SETBP1: variants seen among roughly 807,000 people sequenced by gnomAD.
The protein encoded by SETBP1 is SET-binding protein.
In SETBP1, 9 loss-of-function variants were observed where a neutral mutation model predicts 101.0. The ratio of observed to expected loss-of-function variants is 0.09; its 90% CI spans 0.05 to 0.16. SETBP1 has a LOEUF of 0.16. Ranked by LOEUF, SETBP1 falls within the 10% of genes least tolerant of loss-of-function variation. The pLI, the probability that SETBP1 is intolerant of heterozygous loss-of-function variation, is 1.00. For synonymous variants in SETBP1, 818 were observed against 788.5 expected (o/e 1.04, Z -0.63); for missense variants, 1,858 against 2,033.8 (o/e 0.91, Z 1.66).
At chr18:44,965,617 G>C (rs748732069) in intron 4 of SETBP1, among the ~76,000 whole-genome samples, 1 of 152,084 alleles carries the variant, frequency 6.6e-6, no homozygotes, top group Non-Finnish European at 1.5e-5. Context: ...CAAAGGATCA[G>C]GCAAAGGAGA....
intron 2 of SETBP1, among the ~76,000 whole-genome samples, chr18:44,770,019 C>A (rs2070839962): frequency 1.3e-5 from 2 of 152,198 alleles, no homozygotes; most frequent in African/African-American, 4.8e-5. Flanking sequence ...CCTAGTGGAT[C>A]CTGAAATTCT....
chr18:44,900,313 C>A (rs1355094055), intron 3 of SETBP1, among the ~76,000 whole-genome samples: 1 of 152,262 alleles, frequency 6.6e-6, no homozygotes, highest in African/African-American at 2.4e-5. Context: ...AGTTTGGGAA[C>A]CACTGCTCTT....
chr18:44,867,801 C>T (rs1013235931), intron 2 of SETBP1, among the ~76,000 whole-genome samples: 1 of 152,188 alleles, frequency 6.6e-6, no homozygotes, highest in Non-Finnish European at 1.5e-5. Context: ...CTAGCTTCAA[C>T]ATCACTTAAG....
At chr18:44,862,039 A>T (rs957701773) in intron 2 of SETBP1, among the ~76,000 whole-genome samples, 3 of 152,214 alleles carry the variant, frequency 2.0e-5, no homozygotes, top group African/African-American at 7.2e-5. Context: ...AAGGTGGAGG[A>T]TTAAAGACAT....
At chr18:44,792,249 A>G (rs1156538547) in intron 2 of SETBP1, among the ~76,000 whole-genome samples, 2 of 152,200 alleles carry the variant, frequency 1.3e-5, no homozygotes, top group African/African-American at 4.8e-5. Flanking sequence ...ATGCTGGAAA[A>G]TACAGAGGCT....
chr18:44,820,633 G>T (rs536912723), intron 2 of SETBP1, among the ~76,000 whole-genome samples: 1 of 152,106 alleles, frequency 6.6e-6, no homozygotes, highest in Admixed American at 6.5e-5. Context: ...CCCTCACTTC[G>T]TCATCCACAC....
intron 3 of SETBP1, among the ~76,000 whole-genome samples, chr18:44,898,433 G>A (rs1238283247): frequency 6.6e-6 from 1 of 152,128 alleles, no homozygotes. Flanking sequence ...TTCTAATTTA[G>A]CGTGGCTAGA....
chr18:44,936,268 G>A (rs1467851829), intron 3 of SETBP1, among the ~76,000 whole-genome samples: 1 of 152,066 alleles, frequency 6.6e-6, no homozygotes, highest in African/African-American at 2.4e-5. Context: ...TGGTGCTGTA[G>A]TGGGATCCCG....
At chr18:44,841,937 A>G (rs1278153900) in intron 2 of SETBP1, among the ~76,000 whole-genome samples, 1 of 152,234 alleles carries the variant, frequency 6.6e-6, no homozygotes, top group East Asian at 1.9e-4. Context: ...ATGTCGAGTC[A>G]TTTGTACTTA....
chr18:44,859,117 G>A (rs1311990393), intron 2 of SETBP1, among the ~76,000 whole-genome samples: 5 of 152,122 alleles, frequency 3.3e-5, no homozygotes, highest in African/African-American at 1.2e-4. Flanking sequence ...CTTGTTTGGG[G>A]AGAGAAGATA....
chr18:44,954,329 T>TAAAAAAAAAAAAAAAAAAA (rs5824565), intron 4 of SETBP1, among the ~76,000 whole-genome samples: 1 of 71,608 alleles, frequency 1.4e-5, no homozygotes, highest in African/African-American at 5.4e-5. Flanking sequence ...TTGCAGAAGC[T>TAAAAAAAAAAAAAAAAAAA]AAAAAAAAAA....
chr18:44,781,644 T>C (rs1437312949), intron 2 of SETBP1, among the ~76,000 whole-genome samples: 3 of 152,154 alleles, frequency 2.0e-5, no homozygotes, highest in Non-Finnish European at 4.4e-5. Context: ...TGAAGAAATG[T>C]GTAATCCCTC....
At chr18:44,754,601 TA>T (rs572985135) in intron 2 of SETBP1, among the ~76,000 whole-genome samples, 1 of 152,208 alleles carries the variant, frequency 6.6e-6, no homozygotes, top group Non-Finnish European at 1.5e-5. Flanking sequence ...CTTGGCCTCT[TA>T]AAATAAGTAC....
At chr18:44,840,080 T>C (rs2072585946) in intron 2 of SETBP1, among the ~76,000 whole-genome samples, 1 of 152,244 alleles carries the variant, frequency 6.6e-6, no homozygotes, top group South Asian at 2.1e-4. Context: ...GGTCGAATTC[T>C]CTCCATGGCT....
intron 2 of SETBP1, among the ~76,000 whole-genome samples, chr18:44,766,987 C>T (rs1267464753): frequency 1.3e-5 from 2 of 152,108 alleles, no homozygotes; most frequent in East Asian, 3.8e-4. Flanking sequence ...TCTGTAAGAC[C>T]CCATGAAGGT....
At chr18:44,926,230 G>A (rs1330849715) in intron 3 of SETBP1, among the ~76,000 whole-genome samples, 1 of 152,080 alleles carries the variant, frequency 6.6e-6, no homozygotes, top group East Asian at 1.9e-4. Flanking sequence ...ACTGTTCCTG[G>A]CCGAAGTGTC....
intron 4 of SETBP1, among the ~76,000 whole-genome samples, chr18:44,997,017 G>A (rs903750703): frequency 2.0e-4 from 30 of 152,170 alleles, no homozygotes; most frequent in African/African-American, 7.0e-4. Context: ...TGAGAAAGAG[G>A]GGAAACACTT....
chr18:45,037,556 AAAG>A (rs2145491314), intron 4 of SETBP1, among the ~76,000 whole-genome samples: 1 of 152,248 alleles, frequency 6.6e-6, no homozygotes, highest in Admixed American at 6.5e-5. Context: ...TTTTACAAGT[AAAG>A]AAGTTTAAAA....
At chr18:44,853,223 C>T (rs1214297323) in intron 2 of SETBP1, among the ~76,000 whole-genome samples, 1 of 152,174 alleles carries the variant, frequency 6.6e-6, no homozygotes, top group Non-Finnish European at 1.5e-5. Flanking sequence ...ATGGTAATAG[C>T]CAAAGCCCCT....
Sources: allele counts gnomAD v4.1 joint callset (sites outside exome capture counted in the v4.1 genomes callset), GRCh38; gene constraint gnomAD v4.1.1; transcripts MANE v1.5; gene names NCBI Gene and HGNC (gene_info 2026-07-23, HGNC 2026-07-21).